Variants in POU2F1 observed in about 807,000 individuals in gnomAD.
POU2F1 encodes the protein POU class 2 homeobox 1.
POU2F1 carries 16 observed loss-of-function variants against 84.9 expected under a neutral mutation model. The ratio of observed to expected loss-of-function variants is 0.19; its 90% CI spans 0.13 to 0.29. POU2F1 has a LOEUF of 0.29. Ranked by LOEUF, POU2F1 falls within the 10% of genes least tolerant of loss-of-function variation. POU2F1 has a pLI of 1.00. For synonymous variants in POU2F1, 368 were observed against 368.3 expected (o/e 1.00, Z 0.01); for missense variants, 738 against 942.6 (o/e 0.78, Z 2.84).
intron 1 of POU2F1, among the ~76,000 whole-genome samples, chr1:167,263,216 C>T (rs925136295): frequency 6.6e-6 from 1 of 151,992 alleles, no homozygotes; most frequent in Non-Finnish European, 1.5e-5. Flanking sequence ...TTTGTATATC[C>T]AGCTATTTTA....
chr1:167,304,628 G>T (rs990987377), intron 1 of POU2F1, among the ~76,000 whole-genome samples: 2 of 152,062 alleles, frequency 1.3e-5, no homozygotes, highest in Non-Finnish European at 2.9e-5. Context: ...ATATTCCTCC[G>T]TAATGATTTT....
intron 13 of POU2F1, 101 bp from the exon 14 acceptor site, chr1:167,411,858 A>T: frequency 9.5e-7 from 1 of 1,053,478 alleles, no homozygotes; most frequent in Non-Finnish European, 1.4e-6. Flanking sequence ...ACTAGGTGGT[A>T]GGTTAATTAT....
chr1:167,242,662 T>G (rs1250663489), intron 1 of POU2F1, among the ~76,000 whole-genome samples: 1 of 152,116 alleles, frequency 6.6e-6, no homozygotes, highest in African/African-American at 2.4e-5. Flanking sequence ...GAATCAGGAG[T>G]CACAGCTTAA....
chr1:167,408,159 G>A (rs1649712039), intron 13 of POU2F1, among the ~76,000 whole-genome samples: 1 of 152,176 alleles, frequency 6.6e-6, no homozygotes, highest in African/African-American at 2.4e-5. Context: ...CATTAGGGAA[G>A]TGCAGATTAA....
intron 1 of POU2F1, among the ~76,000 whole-genome samples, chr1:167,253,471 G>A (rs1255240900): frequency 2.0e-5 from 3 of 150,430 alleles, no homozygotes; most frequent in Non-Finnish European, 2.9e-5. Flanking sequence ...TGTCACCCGG[G>A]CTGGAGTGCA....
chr1:167,330,056 G>A (rs979359644), intron 1 of POU2F1, among the ~76,000 whole-genome samples: 4 of 152,098 alleles, frequency 2.6e-5, no homozygotes, highest in Non-Finnish European at 5.9e-5. Context: ...AAGGCACTTT[G>A]ATTTTTAGAT....
chr1:167,389,831 C>T, intron 9 of POU2F1, 70 bp downstream of exon 9: 1 of 1,498,478 alleles, frequency 6.7e-7, no homozygotes. Flanking sequence ...TCTCTGTATT[C>T]ATGGATTCCA....
At chr1:167,406,187 A>G (rs748129316) in intron 13 of POU2F1, among the ~76,000 whole-genome samples, 2 of 152,258 alleles carry the variant, frequency 1.3e-5, no homozygotes, top group African/African-American at 4.8e-5. Context: ...ATCATGGCCA[A>G]GGAGGATTTA....
At chr1:167,371,885 C>A in intron 4 of POU2F1, 32 bp from the exon 5 acceptor site, 1 of 1,613,306 alleles carries the variant, frequency 6.2e-7, no homozygotes, top group African/African-American at 1.3e-5. Flanking sequence ...CAACCATTTG[C>A]AATCTTTTAT....
intron 1 of POU2F1, among the ~76,000 whole-genome samples, chr1:167,315,027 C>T (rs558020503): frequency 6.6e-6 from 1 of 152,250 alleles, no homozygotes; most frequent in South Asian, 2.1e-4. Context: ...CTGCTTTTGC[C>T]ATATGGCATG....
intron 1 of POU2F1, among the ~76,000 whole-genome samples, chr1:167,275,462 C>T (rs1211040627): frequency 6.6e-6 from 1 of 152,094 alleles, no homozygotes; most frequent in Non-Finnish European, 1.5e-5. Flanking sequence ...CAGAAGGCCG[C>T]AATGGCCCTG....
chr1:167,315,158 T>A (rs574224039), intron 1 of POU2F1, among the ~76,000 whole-genome samples: 1 of 152,194 alleles, frequency 6.6e-6, no homozygotes, highest in Non-Finnish European at 1.5e-5. Flanking sequence ...TCTTTTCTTA[T>A]GCATTACCCA....
In POU2F1 at chr1:167,412,094, G is replaced by A; in HGVS notation, c.1691G>A (p.Ser564Asn). 1.2e-6 allele frequency: 2 copies of A among 1,614,192 alleles called. No homozygotes were observed. The highest frequency in any genetic ancestry group is 1.7e-6 in the Non-Finnish European group (2 of 1,180,030). ...SASTSEASSA[S>N]ETSTTQTTST... ...TCCACCTCCGAGGCATCCAGTGCCAGTGAGACCAGCACAACACAGACCACC... is the reference window on the plus strand; with the variant it reads ...TCCACCTCCGAGGCATCCAGTGCCAATGAGACCAGCACAACACAGACCACC... Residue 564 changes from serine (S) to asparagine (N), a missense_variant, in exon 14 of 16, where the codon AGT becomes AAT. By Grantham distance (46) the Ser-to-Asn change is conservative. Around this residue, in one of 4 missense-constraint regions of POU2F1, gnomAD observed 319 missense variants for 386.0 expected, o/e 0.83. Coordinates refer to ENST00000367866, the MANE Select transcript of POU2F1 (RefSeq NM_002697.4).
intron 2 of POU2F1, among the ~76,000 whole-genome samples, chr1:167,353,115 A>C (rs758629912): frequency 6.6e-6 from 1 of 152,000 alleles, no homozygotes; most frequent in African/African-American, 2.4e-5. Context: ...TATAAATCCA[A>C]CTGTCTCTCA....
In POU2F1 at chr1:167,376,200, C is replaced by G. The variant is rs776043643; in HGVS notation, c.718+45C>G. 14 of 1,588,606 alleles carry G rather than the reference C, an allele frequency of 8.8e-6. No homozygotes were observed. In the South Asian group the frequency reaches 1.6e-4, roughly 18 times the overall value. On this transcript the variant is annotated intron_variant, in intron 7 of 15. Transcript: ENST00000367866. ...TTATTAGTGGTATACCAAGGCTGTTCGCTGAATGTTACACATGCATGAACT... is the reference window on the plus strand; with the variant it reads ...TTATTAGTGGTATACCAAGGCTGTTGGCTGAATGTTACACATGCATGAACT...
intron 1 of POU2F1, chr1:167,329,343 A>G (rs959881931): frequency 5.2e-6 from 8 of 1,540,944 alleles, no homozygotes; most frequent in Admixed American, 2.0e-5. Context: ...AGAAGCTTTA[A>G]TATGGAAATA....
chr1:167,423,181 C>G lies in POU2F1; in HGVS notation c.*7371C>G, dbSNP rs1459942521. ...TTCAAGAACAGGATTACGTGGAAAA[C>G]CAAAAGATCTTCCCTTACTCTCCTA... is the stretch of plus-strand genomic sequence containing the variant. On this transcript the variant is annotated 3_prime_UTR_variant, in exon 16 of 16. Transcript: ENST00000367866. The G allele has an allele frequency of 6.6e-6, 1 of 152,102 alleles. No homozygotes were observed. Among genetic ancestry groups the G allele is most frequent in the Non-Finnish European group, 1.5e-5 (1 of 68,014 alleles). The allele number at this position is 152,102 out of a possible 1,614,324, so 9.4% of individuals were successfully genotyped here.
chr1:167,262,647 A>C (rs999646978), intron 1 of POU2F1, among the ~76,000 whole-genome samples: 7 of 152,224 alleles, frequency 4.6e-5, no homozygotes, highest in Non-Finnish European at 8.8e-5. Flanking sequence ...CATTCAATGT[A>C]GAATGTGGTG....
chr1:167,362,474 T>G (rs1460564824), intron 2 of POU2F1, among the ~76,000 whole-genome samples: 3 of 152,316 alleles, frequency 2.0e-5, no homozygotes, highest in South Asian at 4.1e-4. Flanking sequence ...ACCAGAGTGG[T>G]GAGGAGGCAG....
Sources: allele counts gnomAD v4.1 joint callset (sites outside exome capture counted in the v4.1 genomes callset), GRCh38; gene constraint gnomAD v4.1.1; regional missense constraint gnomAD v4.1.1; transcripts MANE v1.5; gene names NCBI Gene and HGNC (gene_info 2026-07-23, HGNC 2026-07-21).